GULP1: variants seen among roughly 807,000 people sequenced by gnomAD.
GULP1 encodes GULP PTB domain containing engulfment adaptor 1.
In GULP1, 19 loss-of-function variants were observed where a neutral mutation model predicts 40.9. The ratio of observed to expected loss-of-function variants is 0.46; its 90% CI spans 0.32 to 0.68. The LOEUF is 0.68. GULP1 is among the 30% of genes least tolerant of loss of function. The pLI is 0.03. For missense variants in GULP1, 312 were observed against 362.2 expected (o/e 0.86, Z 1.12); for synonymous variants, 119 against 117.6 (o/e 1.01, Z -0.08).
chr2:188,340,675 G>A (rs1476925744), intron 1 of GULP1, among the ~76,000 whole-genome samples: 2 of 152,172 alleles, frequency 1.3e-5, no homozygotes, highest in Admixed American at 1.3e-4. Flanking sequence ...CAGAGGGTAA[G>A]TATGACAGCC....
intron 1 of GULP1, among the ~76,000 whole-genome samples, chr2:188,346,318 A>T (rs1160033815): frequency 6.6e-6 from 1 of 152,176 alleles, no homozygotes; most frequent in African/African-American, 2.4e-5. Flanking sequence ...GGTTAATGAG[A>T]TCCCCTGATG....
intron 7 of GULP1, among the ~76,000 whole-genome samples, chr2:188,568,080 A>G (rs1003520619): frequency 1.3e-5 from 2 of 151,772 alleles, no homozygotes; most frequent in African/African-American, 4.8e-5. Flanking sequence ...CATATTTTGC[A>G]TTTTTTAGTT....
chr2:188,471,955 G>A (rs955169570), intron 2 of GULP1, among the ~76,000 whole-genome samples: 1 of 152,114 alleles, frequency 6.6e-6, no homozygotes, highest in African/African-American at 2.4e-5. Context: ...GACAGGTCTC[G>A]TGTTGATGAA....
chr2:188,363,710 TTG>T (rs1233183189), intron 1 of GULP1, among the ~76,000 whole-genome samples: 43 of 152,298 alleles, frequency 2.8e-4, no homozygotes, highest in African/African-American at 9.9e-4. Context: ...GTTTTTGCCA[TTG>T]TACATAAGAT....
intron 9 of GULP1, among the ~76,000 whole-genome samples, chr2:188,573,200 T>TA (rs1475685781): frequency 3.3e-5 from 5 of 152,168 alleles, no homozygotes; most frequent in African/African-American, 1.2e-4. Flanking sequence ...TGTTTCCTAT[T>TA]AAAAAACATT....
At chr2:188,464,862 T>A (rs971491372) in intron 2 of GULP1, among the ~76,000 whole-genome samples, 19 of 152,238 alleles carry the variant, frequency 1.2e-4, no homozygotes, top group African/African-American at 4.6e-4. Flanking sequence ...TTTAATCAGC[T>A]TCTAGTGAAT....
chr2:188,432,758 C>T (rs2152826366), intron 2 of GULP1, among the ~76,000 whole-genome samples: 1 of 152,050 alleles, frequency 6.6e-6, no homozygotes, highest in African/African-American at 2.4e-5. Context: ...TTACTTAAAT[C>T]ACATAAACTT....
intron 10 of GULP1, among the ~76,000 whole-genome samples, chr2:188,585,753 T>C (rs1580993): frequency 0.83 from 126,090 of 152,132 alleles, 53,078 homozygotes; most frequent in South Asian, 0.97. Context: ...GGACCTTTGA[T>C]GGGAGGGGCT....
chr2:188,463,337 A>G (rs907554559), intron 2 of GULP1, among the ~76,000 whole-genome samples: 3 of 152,172 alleles, frequency 2.0e-5, no homozygotes, highest in Non-Finnish European at 4.4e-5. Flanking sequence ...ATGTCATGCC[A>G]TGCTCTCCTG....
At chr2:188,563,879 CA>C (rs1379550830) in intron 7 of GULP1, among the ~76,000 whole-genome samples, 1 of 151,784 alleles carries the variant, frequency 6.6e-6, no homozygotes, top group East Asian at 1.9e-4. Flanking sequence ...CACTCTTTTG[CA>C]AAATAATTCC....
chr2:188,316,631 A>G (rs79030406), intron 1 of GULP1, among the ~76,000 whole-genome samples: 3,415 of 152,130 alleles, frequency 0.022, 139 homozygotes, highest in African/African-American at 0.078. Context: ...CTCAGAAGTC[A>G]TCTTCCTGGG....
At chr2:188,505,310 C>G (rs908658958) in intron 4 of GULP1, among the ~76,000 whole-genome samples, 1 of 151,710 alleles carries the variant, frequency 6.6e-6, no homozygotes, top group Non-Finnish European at 1.5e-5. Context: ...CTCCTTTTCT[C>G]TTCCCTAAAA....
In GULP1 at chr2:188,452,062, C is replaced by T. The variant is rs142816209; in HGVS notation, c.-44-25597C>T. On this transcript the variant is annotated intron_variant, in intron 2 of 11. Coordinates refer to ENST00000409830, the MANE Select transcript of GULP1 (RefSeq NM_016315.4). The stretch of plus-strand genomic sequence containing the variant: ...ATCACTAGAAAAGTAAGTATATGCA[C>T]TACAGCATTTAATATTTTCTAATAT... 3.8e-3 allele frequency among the ~76,000 whole-genome samples: 586 copies of T among 152,222 alleles called. 3 individuals are homozygous for T. Among genetic ancestry groups the T allele is most frequent in the African/African-American group, 0.013 (554 of 41,518 alleles).
chr2:188,510,256 G>A (rs2064366620), intron 4 of GULP1, among the ~76,000 whole-genome samples: 1 of 152,038 alleles, frequency 6.6e-6, no homozygotes, highest in African/African-American at 2.4e-5. Flanking sequence ...TCAGTATGTT[G>A]TATAGTCAAA....
intron 1 of GULP1, among the ~76,000 whole-genome samples, chr2:188,372,586 C>T (rs1303858996): frequency 1.3e-5 from 2 of 151,884 alleles, no homozygotes; most frequent in African/African-American, 2.4e-5. Context: ...AAAAATACTC[C>T]AGGAGAGAGG....
intron 2 of GULP1, among the ~76,000 whole-genome samples, chr2:188,416,552 G>T (rs527817588): frequency 2.1e-4 from 32 of 152,206 alleles, no homozygotes; most frequent in African/African-American, 7.5e-4. Context: ...GGACTCAATT[G>T]CTATGTTCTT....
intron 5 of GULP1, among the ~76,000 whole-genome samples, chr2:188,524,616 CT>C (rs1485165329): frequency 6.9e-6 from 1 of 144,428 alleles, no homozygotes; most frequent in Non-Finnish European, 1.5e-5. Context: ...TTTTTTTTTG[CT>C]TTTTTTGTGT....
intron 2 of GULP1, among the ~76,000 whole-genome samples, chr2:188,412,319 T>C (rs1000390890): frequency 1.3e-5 from 2 of 152,058 alleles, no homozygotes; most frequent in African/African-American, 4.8e-5. Flanking sequence ...CTCCCACGGG[T>C]AATTTAATGC....
chr2:188,317,796 GT>G (rs71399275), intron 1 of GULP1, among the ~76,000 whole-genome samples: 9 of 150,064 alleles, frequency 6.0e-5, no homozygotes, highest in African/African-American at 1.2e-4. Flanking sequence ...AATTAGTGAG[GT>G]TTTTTTTTTA....
Sources: gnomAD v4.1 joint callset for allele counts (sites outside exome capture counted in the v4.1 genomes callset) on GRCh38, gnomAD v4.1.1 for gene constraint, MANE v1.5 for transcripts, NCBI Gene and HGNC (gene_info 2026-07-23, HGNC 2026-07-21) for gene names.